The following RUSC2 variants were observed in gnomAD, a reference collection of about 807,000 sequenced individuals.
RUSC2 encodes RUN and SH3 domain containing 2.
A neutral mutation model predicts 122.2 loss-of-function variants in RUSC2; 34 were observed. The ratio of observed to expected loss-of-function variants is 0.28; its 90% CI spans 0.21 to 0.37. The LOEUF (loss-of-function observed/expected upper bound fraction) is 0.37, where lower values mean the gene tolerates loss of function less well. Among genes scored for constraint, RUSC2 ranks in the 10% least tolerant of loss-of-function variants. The pLI is 1.00. For missense variants in RUSC2, 1,747 were observed against 1,952.4 expected (o/e 0.89, Z 1.98); for synonymous variants, 784 against 790.0 (o/e 0.99, Z 0.13).
At chr9:35,525,616 C>T (rs1018497135) in intron 1 of RUSC2, among the ~76,000 whole-genome samples, 12 of 152,000 alleles carry the variant, frequency 7.9e-5, no homozygotes, top group Non-Finnish European at 1.2e-4. Flanking sequence ...CTGGCCTACA[C>T]GGCAAAACCC....
chr9:35,554,554 A>G (rs1025467718), intron 2 of RUSC2, among the ~76,000 whole-genome samples: 1 of 152,248 alleles, frequency 6.6e-6, no homozygotes. Context: ...TGACTCCAAG[A>G]CTTAGAAACA....
intron 1 of RUSC2, among the ~76,000 whole-genome samples, chr9:35,524,422 TATCTA>T (rs1487848070): frequency 6.6e-6 from 1 of 152,354 alleles, no homozygotes; most frequent in East Asian, 1.9e-4. Context: ...ACAGGTTATT[TATCTA>T]ATCTAAAAGT....
chr9:35,508,848 A>T (rs1377771411), intron 1 of RUSC2, among the ~76,000 whole-genome samples: 2 of 152,174 alleles, frequency 1.3e-5, no homozygotes, highest in African/African-American at 4.8e-5. Context: ...AAACAAAAGG[A>T]AAAGACAGAA....
rs1027164870 is a variant in RUSC2 at position 35,558,670 on chromosome 9, G to A, written c.3341+103G>A. On this transcript the variant is annotated intron_variant, in intron 8 of 11. Transcript: ENST00000361226. The surrounding 1 kb of genome is among the most constrained non-coding windows in gnomAD (Gnocchi z 4.3). ...ACAACGCCCTGGACAGACAGAAAGG[G>A]TGGATCTGGAGGGTCCCCTCAGCCC... 8.9e-6 allele frequency: 9 copies of A among 1,006,994 alleles called. No individual in the cohort carries two copies. Among genetic ancestry groups the A allele is most frequent in the Non-Finnish European group, 1.4e-5 (9 of 643,812 alleles). The allele number at this position is 1,006,994 out of a possible 1,614,324, so 62.4% of individuals were successfully genotyped here. A position where few individuals can be genotyped will look rare whatever the true frequency, so the allele number is the denominator to read the frequency against.
rs1821986795 is a variant in RUSC2, at chr9:35,555,266, G to A, written c.2221G>A (p.Val741Ile). The A allele has an allele frequency of 6.2e-7, 1 of 1,613,396 alleles. No individual in the cohort carries two copies. The highest frequency in any genetic ancestry group is 8.5e-7 in the Non-Finnish European group (1 of 1,180,018). ...CCCACTGGCTGCCCCTGCTGCTCAAGTCTCAGTCCCAGCTCCCTCAGGGGA... is the reference window on the plus strand; with the variant it reads ...CCCACTGGCTGCCCCTGCTGCTCAAATCTCAGTCCCAGCTCCCTCAGGGGA... ...PAPLAAPAAQVSVPAPSGEPQ... is the reference protein window; with the variant it reads ...PAPLAAPAAQISVPAPSGEPQ... Residue 741 changes from valine (V) to isoleucine (I), a missense_variant, in exon 3 of 12, where the codon GTC (valine) becomes ATC (isoleucine). Coordinates refer to ENST00000361226, the MANE Select transcript of RUSC2 (RefSeq NM_014806.5). This position sits in a 1 kb window ranked among gnomAD's most constrained non-coding sequence, Gnocchi z 4.6.
Position 35,558,585 on chromosome 9 carries a change from C to T in RUSC2, c.3341+18C>T, listed in dbSNP as rs1362342330. 9 of 1,594,544 alleles carry T rather than the reference C, an allele frequency of 5.6e-6. No individual in the cohort carries two copies. The highest frequency in any genetic ancestry group is 7.7e-6 in the Non-Finnish European group (9 of 1,162,344). ...CTGCTCAAGTGAGTGCACAGAGCAG[C>T]AAGATCCCCTAAACAACTTGCCCTG... On this transcript the variant is annotated intron_variant, in intron 8 of 11. Transcript: ENST00000361226. This position sits in a 1 kb window ranked among gnomAD's most constrained non-coding sequence, Gnocchi z 4.3.
chr9:35,499,315 G>C (rs931100469), intron 1 of RUSC2, among the ~76,000 whole-genome samples: 1 of 151,958 alleles, frequency 6.6e-6, no homozygotes, highest in Non-Finnish European at 1.5e-5. Flanking sequence ...ATAGTAGTGA[G>C]TCATCAAGAA....
chr9:35,508,925 C>G (rs1021950145), intron 1 of RUSC2, among the ~76,000 whole-genome samples: 1 of 152,142 alleles, frequency 6.6e-6, no homozygotes, highest in African/African-American at 2.4e-5. Flanking sequence ...CCACTCAGCA[C>G]CCAGCATAAC....
rs1017281368 is a variant in RUSC2, at chr9:35,561,680, C to T, written c.*298C>T. 9.5e-6 allele frequency: 5 copies of T among 528,418 alleles called. No homozygotes were observed. Among genetic ancestry groups the T allele is most frequent in the Admixed American group, 3.3e-5 (1 of 30,084 alleles). The allele number at this position is 528,418 out of a possible 1,614,324, so 32.7% of individuals were successfully genotyped here. On this transcript the variant is annotated 3_prime_UTR_variant, in exon 12 of 12. Transcript: ENST00000361226. ...GAAGACAAGCAAGTCCCCCTGGAGGCGGGTGGCCCAGAAAGCCATCTACAG... is the reference window on the plus strand; with the variant it reads ...GAAGACAAGCAAGTCCCCCTGGAGGTGGGTGGCCCAGAAAGCCATCTACAG...
In RUSC2 at chr9:35,555,795, G is replaced by A. The variant is rs542661442; in HGVS notation, c.2656+94G>A. ...AGTGGTTGCTTACACTCTCACCTGG[G>A]GCCAGAGGTTAGGATGTCTGCATCC... On this transcript the variant is annotated intron_variant, in intron 3 of 11. Transcript: ENST00000361226. The surrounding 1 kb of genome is among the most constrained non-coding windows in gnomAD (Gnocchi z 4.6). 265 of 1,486,402 alleles carry A rather than the reference G, an allele frequency of 1.8e-4. No homozygotes were observed. In the African/African-American group the frequency reaches 3.3e-3, roughly 19 times the overall value. The allele number at this position is 1,486,402 out of a possible 1,614,324, so 92.1% of individuals were successfully genotyped here.
At chr9:35,501,317 C>T (rs929425908) in intron 1 of RUSC2, among the ~76,000 whole-genome samples, 5 of 152,194 alleles carry the variant, frequency 3.3e-5, no homozygotes, top group African/African-American at 1.2e-4. Flanking sequence ...TGGCTCACAC[C>T]TGGAATCCCA....
At chr9:35,538,178 A>C (rs1244868396) in intron 1 of RUSC2, among the ~76,000 whole-genome samples, 4 of 152,064 alleles carry the variant, frequency 2.6e-5, no homozygotes, top group African/African-American at 9.7e-5. Context: ...CCGAGAACTG[A>C]TGTATGTGAG....
At chr9:35,530,859 G>A (rs1186938839) in intron 1 of RUSC2, among the ~76,000 whole-genome samples, 4 of 151,658 alleles carry the variant, frequency 2.6e-5, no homozygotes, top group Non-Finnish European at 5.9e-5. Flanking sequence ...GGCTGGTCTC[G>A]AAATCCTGAC....
At chr9:35,508,774 C>T (rs1390371592) in intron 1 of RUSC2, among the ~76,000 whole-genome samples, 1 of 152,210 alleles carries the variant, frequency 6.6e-6, no homozygotes, top group Non-Finnish European at 1.5e-5. Context: ...GCCACTACAG[C>T]TTCTCAGGTA....
At chr9:35,492,178 A>G (rs1820581041) in intron 1 of RUSC2, among the ~76,000 whole-genome samples, 1 of 152,154 alleles carries the variant, frequency 6.6e-6, no homozygotes, top group Admixed American at 6.5e-5. Context: ...GTTGCCAGAT[A>G]AAACGCAGAG....
chr9:35,540,664 T>G (rs993691088), intron 1 of RUSC2, among the ~76,000 whole-genome samples: 3 of 152,108 alleles, frequency 2.0e-5, no homozygotes, highest in African/African-American at 7.2e-5. Context: ...AAAGGGACTG[T>G]AGGTTCATAG....
At chr9:35,497,078 A>G (rs1372761344) in intron 1 of RUSC2, among the ~76,000 whole-genome samples, 1 of 152,206 alleles carries the variant, frequency 6.6e-6, no homozygotes, top group Non-Finnish European at 1.5e-5. Context: ...CAACCCATGT[A>G]AAGTTTGACG....
At position 35,555,504 on chromosome 9, in the gene RUSC2, C is replaced by G. The variant is rs1285262747; in HGVS notation, c.2459C>G (p.Ser820Cys). ...GAAAGCCTGCCCCCATGGAGCCACT[C>G]CTGTCCTTCTGCTGTCCGGCCTGCC... is the stretch of plus-strand genomic sequence containing the variant. ...ATESLPPWSH[S>C]CPSAVRPATS... The change falls in exon 3 of 12, where the codon TCC becomes TGC. Residue 820 changes from serine to cysteine, a missense_variant. Transcript: ENST00000361226. This position sits in a 1 kb window ranked among gnomAD's most constrained non-coding sequence, Gnocchi z 4.6. 2 of 1,614,130 alleles carry G rather than the reference C, an allele frequency of 1.2e-6. No homozygotes were observed. Among genetic ancestry groups the G allele is most frequent in the East Asian group, 4.5e-5 (2 of 44,906 alleles).
chr9:35,515,600 G>A (rs555828373), intron 1 of RUSC2, among the ~76,000 whole-genome samples: 1 of 151,916 alleles, frequency 6.6e-6, no homozygotes, highest in African/African-American at 2.4e-5. Flanking sequence ...CTACTTTCTG[G>A]GTCTGTGATC....
Sources: gnomAD v4.1 joint callset for allele counts (sites outside exome capture counted in the v4.1 genomes callset) on GRCh38, gnomAD v4.1.1 for gene constraint, Gnocchi (gnomAD v3.1) non-coding constraint, MANE v1.5 for transcripts, NCBI Gene and HGNC (gene_info 2026-07-23, HGNC 2026-07-21) for gene names.